The following SH3TC1 variants were observed in gnomAD, a reference collection of about 807,000 sequenced individuals.
SH3TC1 encodes the protein SH3 domain and tetratricopeptide repeat-containing protein 1.
Under a neutral mutation model 117.3 loss-of-function variants are expected in SH3TC1, and 135 were observed. The ratio of observed to expected loss-of-function variants is 1.15; its 90% CI spans 1.00 to 1.33. SH3TC1 has a LOEUF of 1.33. Ranked by LOEUF, SH3TC1 falls within the 40% of genes most tolerant of loss-of-function variation. The pLI is 0.00. For missense variants in SH3TC1, 2,092 were observed against 1,794.3 expected (o/e 1.17, Z -3.00); for synonymous variants, 898 against 816.9 (o/e 1.10, Z -1.69).
At chr4:8,195,567 A>G (rs993891763), upstream of SH3TC1, among the ~76,000 whole-genome samples, 1 of 152,210 alleles carries the variant, frequency 6.6e-6, no homozygotes, top group Non-Finnish European at 1.5e-5. Flanking sequence ...CTGCAGAGAC[A>G]AACAGGATAC....
chr4:8,232,763 G>T (rs909295509), intron 13 of SH3TC1: 5 of 1,289,538 alleles, frequency 3.9e-6, no homozygotes, highest in African/African-American at 1.5e-5. Context: ...AGCAGGGAAG[G>T]AGCCGGATTC....
intron 7 of SH3TC1, 80 bp downstream of exon 7, chr4:8,217,247 G>A (rs1271723976): frequency 6.6e-7 from 1 of 1,517,672 alleles, no homozygotes; most frequent in South Asian, 1.2e-5. Flanking sequence ...AGGTCAAGGG[G>A]ATGGACAGGG....
rs1718434865 is a variant in SH3TC1 at position 8,209,050 on chromosome 4, C to A, written c.173-698C>A. ...CAATGGCCAGAGGGGTGACCCCCAGCAGGGAACCAAGCAACCAGTAGGGGT... is the reference window on the plus strand; with the variant it reads ...CAATGGCCAGAGGGGTGACCCCCAGAAGGGAACCAAGCAACCAGTAGGGGT... On this transcript the variant is annotated intron_variant, in intron 2 of 17. Coordinates refer to ENST00000245105, the MANE Select transcript of SH3TC1 (RefSeq NM_018986.5). This position sits in a 1 kb window ranked among gnomAD's most constrained non-coding sequence, Gnocchi z 5.9. Among the ~76,000 whole-genome samples, 1 of 152,222 alleles carries A rather than the reference C, an allele frequency of 6.6e-6. No individual in the cohort carries two copies. Among genetic ancestry groups the A allele is most frequent in the African/African-American group, 2.4e-5 (1 of 41,460 alleles).
chr4:8,237,405 C>A, intron 16 of SH3TC1, 69 bp from the exon 17 acceptor site: 2 of 1,312,220 alleles, frequency 1.5e-6, no homozygotes, highest in Non-Finnish European at 9.9e-7. Context: ...GAGCCAGGTG[C>A]TGCCGGGGTC....
chr4:8,216,387 G>C (rs915706682), intron 6 of SH3TC1, 130 bp downstream of exon 6: 2 of 1,380,782 alleles, frequency 1.4e-6, no homozygotes, highest in Non-Finnish European at 9.7e-7. Flanking sequence ...TGGAGGCTGA[G>C]GGGTGCTTCA....
intron 5 of SH3TC1, among the ~76,000 whole-genome samples, chr4:8,215,792 C>A (rs567602415): frequency 6.6e-6 from 1 of 152,226 alleles, no homozygotes; most frequent in Non-Finnish European, 1.5e-5. Flanking sequence ...GCCCATACCC[C>A]CTGCGGCCTG....
chr4:8,226,020 A>G (rs945823257), intron 11 of SH3TC1, among the ~76,000 whole-genome samples: 4 of 152,276 alleles, frequency 2.6e-5, no homozygotes, highest in Admixed American at 6.5e-5. Flanking sequence ...AATCTAGTGT[A>G]GTCAAGTCAC....
intron 1 of SH3TC1, among the ~76,000 whole-genome samples, chr4:8,203,256 G>A (rs1031039320): frequency 3.3e-5 from 5 of 149,434 alleles, no homozygotes; most frequent in Non-Finnish European, 7.4e-5. Context: ...CTTCTGCTTT[G>A]GTCTGACAGG....
chr4:8,234,988 T>C (rs1721677004), intron 14 of SH3TC1, among the ~76,000 whole-genome samples: 1 of 152,224 alleles, frequency 6.6e-6, no homozygotes, highest in African/African-American at 2.4e-5. Context: ...ACCTGCTGTA[T>C]ACTTCCTTGA....
At chr4:8,204,207 G>A (rs1391878571) in intron 1 of SH3TC1, among the ~76,000 whole-genome samples, 2 of 152,194 alleles carry the variant, frequency 1.3e-5, no homozygotes, top group Non-Finnish European at 1.5e-5. Flanking sequence ...AGGAGCAAGG[G>A]GACGAGTCCA....
chr4:8,203,848 G>A (rs750699145), intron 1 of SH3TC1, among the ~76,000 whole-genome samples: 2 of 151,998 alleles, frequency 1.3e-5, no homozygotes, highest in East Asian at 1.9e-4. Context: ...CAGACCCCAC[G>A]CACCCCCAAC....
At chr4:8,235,870 C>T in intron 15 of SH3TC1, 1 of 371,274 alleles carries the variant, frequency 2.7e-6, no homozygotes, top group South Asian at 5.5e-5. Context: ...TCAAAGGACA[C>T]ACGGCATGCC....
chr4:8,213,916 G>A (rs1718973890), intron 4 of SH3TC1, among the ~76,000 whole-genome samples: 1 of 151,204 alleles, frequency 6.6e-6, no homozygotes, highest in African/African-American at 2.4e-5. Context: ...AAGAAACGGG[G>A]CCTTATTTTT....
At chr4:8,236,670 AG>A (rs1721848767) in intron 16 of SH3TC1, 1 of 438,808 alleles carries the variant, frequency 2.3e-6, no homozygotes, top group Non-Finnish European at 3.9e-6. Context: ...GCTGACCACG[AG>A]GGCTGCCCAG....
chr4:8,239,913 T>G (rs1320955064), intron 17 of SH3TC1, among the ~76,000 whole-genome samples: 1 of 152,214 alleles, frequency 6.6e-6, no homozygotes, highest in Non-Finnish European at 1.5e-5. Flanking sequence ...GTGATGTGAC[T>G]CGGGCCCTTC....
In SH3TC1 at chr4:8,227,397, G is replaced by A. The variant is rs1473505586; in HGVS notation, c.1703G>A (p.Arg568Gln). 7.7e-6 allele frequency: 12 copies of A among 1,550,880 alleles called. No individual in the cohort carries two copies. Among genetic ancestry groups the A allele is most frequent in the South Asian group, 4.9e-5 (4 of 81,194 alleles). The change falls in exon 12 of 18, where the codon CGG becomes CAG. Residue 568 changes from arginine (R) to glutamine (Q), a missense_variant. Physicochemically the swap from Arg to Gln is conservative, Grantham distance 43 (BLOSUM62 1). Coordinates refer to ENST00000245105, the MANE Select transcript of SH3TC1 (RefSeq NM_018986.5). ...GCCAGGCTCTGCTTCCTCCTGGGGC[G>A]GCTGTGCAGCAGGAGGCTCAAGCTG... ...ALARLCFLLG[R>Q]LCSRRLKLSQ...
rs1315115643 is a variant in SH3TC1 at position 8,225,113 on chromosome 4, C to G, written c.1244-62C>G. 6.3e-7 allele frequency: 1 copy of G among 1,597,512 alleles called. No individual in the cohort carries two copies. The highest frequency in any genetic ancestry group is 8.6e-7 in the Non-Finnish European group (1 of 1,167,986). On this transcript the variant is annotated intron_variant, in intron 10 of 17. Transcript: ENST00000245105. The surrounding 1 kb of genome is among the most constrained non-coding windows in gnomAD (Gnocchi z 5.5). ...CCTGCAACATCGACACTAGCTCAAC[C>G]TGGCAGGGGACCAGAGGTACTGGCT...
At position 8,235,451 on chromosome 4, in the gene SH3TC1, C is replaced by T. The variant is rs1331829250; in HGVS notation, c.3301C>T (p.Leu1101=). ...CTTTCAGGTGGCACAGAACGTGGCCCTGTACACAGGCGACCCCAACCTGGG... is the reference window on the plus strand; with the variant it reads ...CTTTCAGGTGGCACAGAACGTGGCCTTGTACACAGGCGACCCCAACCTGGG... The part of the protein sequence containing the change: ...LYIQVAQNVA[L]YTGDPNLGLE... Residue 1101 remains leucine, a synonymous_variant, in exon 15 of 18, where the codon CTG becomes TTG. Coordinates refer to ENST00000245105, the MANE Select transcript of SH3TC1 (RefSeq NM_018986.5). The T allele has an allele frequency of 6.3e-7, 1 of 1,576,044 alleles. No homozygotes were observed. Among genetic ancestry groups the T allele is most frequent in the Non-Finnish European group, 8.6e-7 (1 of 1,158,960 alleles).
chr4:8,212,109 G>A (rs918368320), intron 3 of SH3TC1, among the ~76,000 whole-genome samples: 4 of 152,112 alleles, frequency 2.6e-5, no homozygotes, highest in Non-Finnish European at 5.9e-5. Flanking sequence ...TCATTGATCC[G>A]AGCAGGGGTG....
Sources: gnomAD v4.1 joint callset for allele counts (sites outside exome capture counted in the v4.1 genomes callset) on GRCh38, gnomAD v4.1.1 for gene constraint, Gnocchi (gnomAD v3.1) non-coding constraint, MANE v1.5 for transcripts, NCBI Gene and HGNC (gene_info 2026-07-23, HGNC 2026-07-21) for gene names.